The following IPO11 variants were observed in gnomAD, a reference collection of about 807,000 sequenced individuals.
IPO11 encodes the protein importin-11.
In IPO11, 66 loss-of-function variants were observed where a neutral mutation model predicts 143.2. The observed-to-expected ratio is 0.46, with a 90% CI of 0.38 to 0.57. IPO11 has a LOEUF of 0.57. Ranked by LOEUF, IPO11 falls within the 20% of genes least tolerant of loss-of-function variation. The pLI, the probability that IPO11 is intolerant of heterozygous loss-of-function variation, is 0.00. For synonymous variants in IPO11, 385 were observed against 377.8 expected, an observed-to-expected ratio of 1.02 and a Z score of -0.22; for missense variants, 1,026 against 1,141.0, an observed-to-expected ratio of 0.90 and a Z score of 1.45.
Position 62,627,420 on chromosome 5 carries a change from GA to G in IPO11, c.*106del. ...TGCTGAGATGAAGAAATCACTTCAT[GA>G]AAATAAGCAAAGACCACACATTTTT... is the stretch of plus-strand genomic sequence containing the variant. On this transcript the variant is annotated 3_prime_UTR_variant, in exon 30 of 30. Transcript: ENST00000325324. 6.3e-6 allele frequency: 7 copies of G among 1,106,038 alleles called. No individual in the cohort carries two copies. Among genetic ancestry groups the G allele is most frequent in the Middle Eastern group, 2.9e-4 (1 of 3,408 alleles). 68.5% of individuals were successfully genotyped at this position (1,106,038 alleles called of 1,614,324 possible).
chr5:62,440,637 G>A (rs1371452132), intron 2 of IPO11, among the ~76,000 whole-genome samples: 1 of 151,714 alleles, frequency 6.6e-6, no homozygotes, highest in Non-Finnish European at 1.5e-5. Context: ...GATTACAGGC[G>A]TGAGCCACTG....
chr5:62,616,115 C>A (rs1746124688), intron 29 of IPO11, among the ~76,000 whole-genome samples: 1 of 151,986 alleles, frequency 6.6e-6, no homozygotes, highest in Non-Finnish European at 1.5e-5. Context: ...GGAGCCAGAA[C>A]AGAAAACAAA....
At chr5:62,451,981 G>A (rs755482277) in intron 5 of IPO11, 48 bp downstream of exon 5, 28 of 1,483,486 alleles carry the variant, frequency 1.9e-5, no homozygotes, top group African/African-American at 1.7e-4. Context: ...TTGTGCGGCC[G>A]GGCGTGGTGG....
chr5:62,535,170 A>C (rs993663351), intron 22 of IPO11, among the ~76,000 whole-genome samples: 1 of 151,630 alleles, frequency 6.6e-6, no homozygotes, highest in African/African-American at 2.4e-5. Flanking sequence ...ATAGTTTTTA[A>C]ATATCTGTAG....
At position 62,484,073 on chromosome 5, in the gene IPO11, T is replaced by C. The variant is rs780703659; in HGVS notation, c.1085T>C (p.Leu362Ser). The change falls in exon 11 of 30, where the codon TTG becomes TCG. Residue 362 changes from leucine (L) to serine (S), a missense_variant. Coordinates refer to ENST00000325324, the MANE Select transcript of IPO11 (RefSeq NM_016338.5). ...ATGGCATTCTTCACATATCCTACTT[T>C]GACAGAGATATGTAGAAGATTAGTC... ...IKMAFFTYPT[L>S]TEICRRLVSH... The C allele has an allele frequency of 5.6e-6, 9 of 1,608,668 alleles. No individual in the cohort carries two copies. The highest frequency in any genetic ancestry group is 7.6e-6 in the Non-Finnish European group (9 of 1,177,206).
intron 16 of IPO11, among the ~76,000 whole-genome samples, chr5:62,499,087 A>G (rs1350268632): frequency 3.3e-5 from 5 of 152,170 alleles, no homozygotes; most frequent in Non-Finnish European, 7.3e-5. Context: ...GGGCACGTTG[A>G]CTACCAACCA....
intron 28 of IPO11, among the ~76,000 whole-genome samples, chr5:62,596,718 T>A (rs1456330480): frequency 2.0e-5 from 3 of 152,144 alleles, no homozygotes; most frequent in African/African-American, 7.2e-5. Context: ...CTTGTGTAGA[T>A]CCTAGTGACC....
chr5:62,435,198 ATG>A (rs1208964597), intron 1 of IPO11, among the ~76,000 whole-genome samples: 2 of 108,610 alleles, frequency 1.8e-5, no homozygotes, highest in African/African-American at 7.0e-5. Context: ...ATGTATATAT[ATG>A]TATATATATG....
intron 19 of IPO11, among the ~76,000 whole-genome samples, chr5:62,507,594 A>G (rs1012365736): frequency 6.6e-5 from 10 of 152,314 alleles, no homozygotes; most frequent in Middle Eastern, 6.8e-3. Flanking sequence ...CACATCTCCA[A>G]AATGCTTCAG....
intron 27 of IPO11, 87 bp from the exon 28 acceptor site, chr5:62,591,490 A>C (rs1322230280): frequency 2.8e-6 from 2 of 708,774 alleles, no homozygotes; most frequent in Non-Finnish European, 4.6e-6. Context: ...ATTTCTCTTC[A>C]TGTTCGAGAA....
At chr5:62,555,315 T>G (rs1743535340) in intron 26 of IPO11, among the ~76,000 whole-genome samples, 1 of 151,644 alleles carries the variant, frequency 6.6e-6, no homozygotes, top group Admixed American at 6.6e-5. Context: ...AATTTGCTGT[T>G]TTATTTAAAA....
intron 27 of IPO11, among the ~76,000 whole-genome samples, chr5:62,588,208 TCTTA>T (rs1238983737): frequency 6.6e-6 from 1 of 152,086 alleles, no homozygotes; most frequent in Non-Finnish European, 1.5e-5. Context: ...TTTCCAGTTT[TCTTA>T]CTCTCTACCA....
Position 62,489,303 on chromosome 5 carries a change from A to T in IPO11, c.1311A>T (p.Gly437=). 6.5e-7 allele frequency: 1 copy of T among 1,539,730 alleles called. No individual in the cohort carries two copies. The highest frequency in any genetic ancestry group is 8.8e-7 in the Non-Finnish European group (1 of 1,136,004). ...VLLEMMQTLQ[G]PTNVEDMNAL... Reference sequence around the variant, plus strand: ...CCTATTTATATATATATTTTTTAGGACCCACAAATGTGGAAGATATGAATG... The same window carrying T: ...CCTATTTATATATATATTTTTTAGGTCCCACAAATGTGGAAGATATGAATG... The change falls in exon 14 of 30, where the codon GGA becomes GGT. Residue 437 remains glycine, a splice_region_variant and synonymous_variant. Coordinates refer to ENST00000325324, the MANE Select transcript of IPO11 (RefSeq NM_016338.5).
intron 19 of IPO11, among the ~76,000 whole-genome samples, chr5:62,514,011 G>T (rs1235061888): frequency 6.6e-6 from 1 of 151,276 alleles, no homozygotes; most frequent in East Asian, 1.9e-4. Flanking sequence ...GGGCAGAGAC[G>T]CTCCTCACTT....
At chr5:62,480,904 T>C (rs1474614034) in intron 9 of IPO11, among the ~76,000 whole-genome samples, 2 of 142,850 alleles carry the variant, frequency 1.4e-5, no homozygotes, top group African/African-American at 2.7e-5. Context: ...ACTTCCTCTT[T>C]CATTTTTTTT....
chr5:62,596,274 A>AAAAAAAAAAAAAAAAAAAAAAAGAAAG (rs1554057521), intron 28 of IPO11, among the ~76,000 whole-genome samples: 1 of 150,782 alleles, frequency 6.6e-6, no homozygotes, highest in African/African-American at 2.5e-5. Flanking sequence ...GTCTCAAAAA[A>AAAAAAAAAAAAAAAAAAAAAAAGAAAG]AAAAAAAAAG....
intron 27 of IPO11, 82 bp from the exon 28 acceptor site, chr5:62,591,495 C>T (rs1401041010): frequency 1.5e-5 from 11 of 731,700 alleles, no homozygotes; most frequent in Admixed American, 3.3e-5. Flanking sequence ...TCTTCATGTT[C>T]GAGAAGATGT....
At chr5:62,511,014 G>A (rs946016823) in intron 19 of IPO11, among the ~76,000 whole-genome samples, 8 of 152,156 alleles carry the variant, frequency 5.3e-5, no homozygotes, top group South Asian at 2.1e-4. Flanking sequence ...GATTACAGGC[G>A]TGAACCACTG....
At position 62,572,422 on chromosome 5, in the gene IPO11, A is replaced by G. The variant is rs564796826; in HGVS notation, c.2582+11165A>G. On this transcript the variant is annotated intron_variant, in intron 27 of 29. Transcript: ENST00000325324. The stretch of plus-strand genomic sequence containing the variant: ...CCGGAAGAGATGACATAGAAAATAC[A>G]TTGGAAGTATTATTTGGTGTTTACA... Among the ~76,000 whole-genome samples the G allele has an allele frequency of 6.6e-5, 10 of 152,336 alleles. No individual in the cohort carries two copies. The South Asian group carries it at 2.1e-3, about 32-fold the overall frequency.
Sources: allele counts gnomAD v4.1 joint callset (sites outside exome capture counted in the v4.1 genomes callset), GRCh38; gene constraint gnomAD v4.1.1; transcripts MANE v1.5; gene names NCBI Gene and HGNC (gene_info 2026-07-23, HGNC 2026-07-21).